The following SKP1 variants were observed in gnomAD, a reference collection of about 807,000 sequenced individuals.
The protein encoded by SKP1 is S-phase kinase-associated protein 1.
SKP1 carries 1 observed loss-of-function variant against 21.5 expected under a neutral mutation model. The ratio of observed to expected loss-of-function variants is 0.05; its 90% confidence interval spans 0.02 to 0.22. The LOEUF (loss-of-function observed/expected upper bound fraction) is 0.22, where lower values mean the gene tolerates loss of function less well. Among genes scored for constraint, SKP1 ranks in the 10% least tolerant of loss-of-function variants. The pLI, the probability that SKP1 is intolerant of heterozygous loss-of-function variation, is 1.00. For missense variants in SKP1, 70 were observed against 192.0 expected (o/e 0.36, Z 3.76); for synonymous variants, 59 against 59.3 (o/e 0.99, Z 0.03).
chr5:134,164,775 T>A (rs962399460), intron 3 of SKP1, among the ~76,000 whole-genome samples: 2 of 151,912 alleles, frequency 1.3e-5, no homozygotes, highest in Admixed American at 6.6e-5. Flanking sequence ...TTTTAAAGAG[T>A]TCTTATAAAA....
chr5:134,167,750 T>C (rs953091348), intron 2 of SKP1, among the ~76,000 whole-genome samples: 1 of 152,138 alleles, frequency 6.6e-6, no homozygotes. Context: ...GGTCTCGATC[T>C]CCTGACCTCG....
Position 134,152,269 on chromosome 5 carries a change from T to C in SKP1, c.*5464A>G, listed in dbSNP as rs1054089270. ...GCCTAATGTGGGTCTGATGAATAAATGCTGATAAAATACTACTGAGTGTCA... is the reference window on the plus strand; with the variant it reads ...GCCTAATGTGGGTCTGATGAATAAACGCTGATAAAATACTACTGAGTGTCA... On this transcript the variant is annotated 3_prime_UTR_variant, in exon 6 of 6. Transcript: ENST00000353411. The C allele has an allele frequency of 1.3e-5, 2 of 152,260 alleles. No individual in the cohort carries two copies. The highest frequency in any genetic ancestry group is 2.9e-5 in the Non-Finnish European group (2 of 68,090). 9.4% of individuals were successfully genotyped at this position (152,260 alleles called of 1,614,324 possible).
intron 3 of SKP1, among the ~76,000 whole-genome samples, chr5:134,164,322 GAA>G (rs55637997): frequency 4.9e-5 from 6 of 122,122 alleles, no homozygotes; most frequent in African/African-American, 1.9e-4. Flanking sequence ...TCCATCTCAA[GAA>G]AAAAAAAAAA....
chr5:134,160,045 A>G (rs1027100701), intron 4 of SKP1, among the ~76,000 whole-genome samples: 2 of 151,748 alleles, frequency 1.3e-5, no homozygotes, highest in African/African-American at 4.8e-5. Flanking sequence ...AAGAATATGT[A>G]TTCTGCTATC....
intron 2 of SKP1, among the ~76,000 whole-genome samples, chr5:134,171,748 T>C (rs1282044902): frequency 1.3e-5 from 2 of 152,218 alleles, no homozygotes; most frequent in South Asian, 4.1e-4. Context: ...TTTACTAGAT[T>C]TGAAATATCA....
chr5:134,163,696 GAGA>G (rs781355691), intron 3 of SKP1, among the ~76,000 whole-genome samples: 4 of 151,944 alleles, frequency 2.6e-5, no homozygotes, highest in African/African-American at 4.8e-5. Context: ...AGGCTGAGGT[GAGA>G]AGATCACCTG....
chr5:134,175,993 C>T (rs542783003), intron 1 of SKP1, among the ~76,000 whole-genome samples: 1 of 152,240 alleles, frequency 6.6e-6, no homozygotes, highest in South Asian at 2.1e-4. Flanking sequence ...TTAGACTGCA[C>T]AGTGGAGGAG....
rs1021537151 is a variant in SKP1, at chr5:134,153,672, A to C, written c.*4061T>G. 5.3e-5 allele frequency: 8 copies of C among 152,164 alleles called. No individual in the cohort carries two copies. Among genetic ancestry groups the C allele is most frequent in the African/African-American group, 9.7e-5 (4 of 41,428 alleles). The allele number at this position is 152,164 out of a possible 1,614,324, so 9.4% of individuals were successfully genotyped here. ...ATTTTCTCTTTTCTGGTGGAAAATC[A>C]CCTTATATTCCCAAACTGCCTTATT... is the stretch of plus-strand genomic sequence containing the variant. On this transcript the variant is annotated 3_prime_UTR_variant, in exon 6 of 6. Coordinates refer to ENST00000353411, the MANE Select transcript of SKP1 (RefSeq NM_170679.3).
At chr5:134,164,846 T>C (rs1449473868) in intron 3 of SKP1, among the ~76,000 whole-genome samples, 4 of 152,202 alleles carry the variant, frequency 2.6e-5, no homozygotes, top group Admixed American at 2.6e-4. Flanking sequence ...TAAATTTTGT[T>C]ATGTGTATTT....
At chr5:134,164,322 G>GAAAAAA (rs55637997) in intron 3 of SKP1, among the ~76,000 whole-genome samples, 4 of 122,128 alleles carry the variant, frequency 3.3e-5, no homozygotes, top group East Asian at 2.5e-4. Context: ...TCCATCTCAA[G>GAAAAAA]AAAAAAAAAA....
At position 134,157,456 on chromosome 5, in the gene SKP1, A is replaced by G. The variant is rs1262149130; in HGVS notation, c.*277T>C. 2 of 318,794 alleles carry G rather than the reference A, an allele frequency of 6.3e-6. No homozygotes were observed. Among genetic ancestry groups the G allele is most frequent in the Non-Finnish European group, 1.2e-5 (2 of 173,506 alleles). The allele number at this position is 318,794 out of a possible 1,614,324, so 19.7% of individuals were successfully genotyped here. A position where few individuals can be genotyped will look rare whatever the true frequency, so the allele number is the denominator to read the frequency against. On this transcript the variant is annotated 3_prime_UTR_variant, in exon 6 of 6. Coordinates refer to ENST00000353411, the MANE Select transcript of SKP1 (RefSeq NM_170679.3). ...CTAGGCAGACATTGCTTTACAAAAAAGAGGGAAAGCCCAAAATGCCACTTA... is the reference window on the plus strand; with the variant it reads ...CTAGGCAGACATTGCTTTACAAAAAGGAGGGAAAGCCCAAAATGCCACTTA...
chr5:134,161,710 G>A (rs1367277843), intron 3 of SKP1: 1 of 152,192 alleles, frequency 6.6e-6, no homozygotes, highest in Non-Finnish European at 1.5e-5. Context: ...CAGAAAAGCT[G>A]AATATGTACA....
Position 134,152,568 on chromosome 5 carries a change from T to C in SKP1, c.*5165A>G, listed in dbSNP as rs560078283. On this transcript the variant is annotated 3_prime_UTR_variant, in exon 6 of 6. Transcript: ENST00000353411. ...AACTTTTTTTTTTTGAAACGGAGTC[T>C]CGCTCTGTCGCCAGGCTGGACTGCA... 6.6e-6 allele frequency: 1 copy of C among 152,306 alleles called. No individual in the cohort carries two copies. Among genetic ancestry groups the C allele is most frequent in the South Asian group, 2.1e-4 (1 of 4,826 alleles). The allele number at this position is 152,306 out of a possible 1,614,324, so 9.4% of individuals were successfully genotyped here.
intron 1 of SKP1, chr5:134,175,474 T>G (rs1761522836): frequency 6.6e-6 from 1 of 152,260 alleles, no homozygotes; most frequent in Admixed American, 6.5e-5. Context: ...TATTTTAACC[T>G]GAGCCCAATT....
chr5:134,172,257 CACTT>C (rs1048556800), intron 2 of SKP1, among the ~76,000 whole-genome samples: 68 of 152,346 alleles, frequency 4.5e-4, no homozygotes, highest in African/African-American at 1.4e-3. Flanking sequence ...GGCCATGTCT[CACTT>C]ACCTTCTTTT....
chr5:134,164,654 C>T (rs905131803), intron 3 of SKP1, among the ~76,000 whole-genome samples: 2 of 152,062 alleles, frequency 1.3e-5, no homozygotes, highest in African/African-American at 4.8e-5. Flanking sequence ...AAATAGAATA[C>T]GTTAATTGCA....
chr5:134,161,161 C>A, intron 3 of SKP1, 31 bp from the exon 4 acceptor site: 3 of 1,564,986 alleles, frequency 1.9e-6, no homozygotes, highest in Non-Finnish European at 1.7e-6. Context: ...TCCTCTGTGG[C>A]ACTTTGTCAC....
At chr5:134,162,853 G>C (rs1189992394) in intron 3 of SKP1, among the ~76,000 whole-genome samples, 1 of 152,000 alleles carries the variant, frequency 6.6e-6, no homozygotes, top group African/African-American at 2.4e-5. Context: ...AGGCAGGACT[G>C]CTTAAGGCCG....
chr5:134,167,041 ACATT>A (rs1382951733), intron 3 of SKP1, 125 bp downstream of exon 3: 6 of 615,892 alleles, frequency 9.7e-6, no homozygotes, highest in Non-Finnish European at 1.7e-5. Flanking sequence ...GTGTTTAAGA[ACATT>A]CAAATTTAAA....
Sources: allele counts gnomAD v4.1 joint callset (sites outside exome capture counted in the v4.1 genomes callset), GRCh38; gene constraint gnomAD v4.1.1; transcripts MANE v1.5; gene names NCBI Gene and HGNC (gene_info 2026-07-23, HGNC 2026-07-21).